Variants in SLC24A2 observed in about 807,000 individuals in gnomAD.
SLC24A2 encodes sodium/potassium/calcium exchanger 2.
In SLC24A2, 36 loss-of-function variants were observed where a neutral mutation model predicts 62.0. That is an observed-to-expected ratio of 0.58 (90% CI 0.44 to 0.77). The LOEUF is 0.77. Ranked by LOEUF, SLC24A2 falls within the 30% of genes least tolerant of loss-of-function variation. SLC24A2 has a pLI of 0.00. For missense variants in SLC24A2, 846 were observed against 817.9 expected, an observed-to-expected ratio of 1.03 and a Z score of -0.42; for synonymous variants, 358 against 294.0, an observed-to-expected ratio of 1.22 and a Z score of -2.23.
At chr9:20,255,356 A>T in the SLC24A2 span, among the ~76,000 whole-genome samples, 3 of 152,336 alleles carry the variant, frequency 2.0e-5, no homozygotes, top group East Asian at 3.9e-4. Flanking sequence ...GATTTTGCCC[A>T]ATCTCCTTTG....
the SLC24A2 span, among the ~76,000 whole-genome samples, chr9:19,915,042 TTAAG>T: frequency 1.8e-4 from 28 of 152,138 alleles, no homozygotes; most frequent in Admixed American, 5.9e-4. Context: ...ACTGTTACCA[TTAAG>T]TAACTCCAGA....
At chr9:19,572,293 A>T (rs1447857086) in intron 7 of SLC24A2, among the ~76,000 whole-genome samples, 1 of 149,778 alleles carries the variant, frequency 6.7e-6, no homozygotes, top group East Asian at 1.9e-4. Flanking sequence ...TGGAGCTACT[A>T]ATGCCTACAC....
the SLC24A2 span, among the ~76,000 whole-genome samples, chr9:20,304,290 C>T: frequency 6.6e-6 from 1 of 152,134 alleles, no homozygotes; most frequent in Non-Finnish European, 1.5e-5. Flanking sequence ...CATCCCACAG[C>T]CCCGGGAGCG....
chr9:20,263,058 C>T, the SLC24A2 span, among the ~76,000 whole-genome samples: 5 of 152,290 alleles, frequency 3.3e-5, no homozygotes, highest in East Asian at 7.7e-4. Flanking sequence ...GAATTGTCCT[C>T]AATCCACTGG....
At chr9:20,283,453 T>C in the SLC24A2 span, among the ~76,000 whole-genome samples, 3 of 152,190 alleles carry the variant, frequency 2.0e-5, no homozygotes, top group Non-Finnish European at 4.4e-5. Flanking sequence ...CAGTCGGGCC[T>C]CTGCAGATTC....
the SLC24A2 span, among the ~76,000 whole-genome samples, chr9:20,252,626 T>G: frequency 6.6e-6 from 1 of 152,188 alleles, no homozygotes; most frequent in Non-Finnish European, 1.5e-5. Context: ...CATTTACAGA[T>G]AGGGATATTG....
chr9:19,730,739 C>A (rs554486398), intron 2 of SLC24A2, among the ~76,000 whole-genome samples: 39 of 152,184 alleles, frequency 2.6e-4, no homozygotes, highest in African/African-American at 9.1e-4. Flanking sequence ...ATTACTTTTG[C>A]ATTAAAAATT....
the SLC24A2 span, among the ~76,000 whole-genome samples, chr9:19,949,129 G>C: frequency 6.6e-6 from 1 of 152,022 alleles, no homozygotes; most frequent in African/African-American, 2.4e-5. Context: ...GAGAAGCTGG[G>C]ATTACATGCA....
chr9:20,123,473 A>G, the SLC24A2 span, among the ~76,000 whole-genome samples: 1 of 152,230 alleles, frequency 6.6e-6, no homozygotes, highest in Non-Finnish European at 1.5e-5. Context: ...AACTTGTCCA[A>G]GTAGGAGGTA....
chr9:19,637,863 G>A (rs181367033), intron 2 of SLC24A2, among the ~76,000 whole-genome samples: 19 of 152,280 alleles, frequency 1.2e-4, no homozygotes, highest in Admixed American at 1.2e-3. Flanking sequence ...GAGGACAGGT[G>A]TGGAATACAC....
At chr9:19,519,337 C>A (rs1274140399) in intron 10 of SLC24A2, among the ~76,000 whole-genome samples, 1 of 140,980 alleles carries the variant, frequency 7.1e-6, no homozygotes, top group African/African-American at 2.7e-5. Flanking sequence ...GATTTTTTTT[C>A]TTTAAACTTC....
At chr9:19,589,677 A>T (rs1836493249) in intron 5 of SLC24A2, among the ~76,000 whole-genome samples, 1 of 152,094 alleles carries the variant, frequency 6.6e-6, no homozygotes, top group Non-Finnish European at 1.5e-5. Flanking sequence ...ATTAATAAAG[A>T]CTTTGGATAT....
chr9:20,287,141 T>C, the SLC24A2 span, among the ~76,000 whole-genome samples: 70,875 of 151,982 alleles, frequency 0.47, 17,146 homozygotes, highest in East Asian at 0.72. Context: ...CAAACCTGTA[T>C]AAATAAGCAC....
chr9:19,625,437 T>A (rs1299033297), intron 2 of SLC24A2, among the ~76,000 whole-genome samples: 2 of 152,178 alleles, frequency 1.3e-5, no homozygotes, highest in African/African-American at 4.8e-5. Context: ...AACTACATCC[T>A]GAAGGTCTCA....
chr9:20,275,201 G>C, the SLC24A2 span, among the ~76,000 whole-genome samples: 1 of 152,092 alleles, frequency 6.6e-6, no homozygotes, highest in Non-Finnish European at 1.5e-5. Context: ...GCTCAGTTAG[G>C]GGTTACGGCA....
the SLC24A2 span, among the ~76,000 whole-genome samples, chr9:20,073,706 A>G: frequency 0.024 from 3,662 of 152,044 alleles, 147 homozygotes; most frequent in African/African-American, 0.083. Context: ...TTTTTTCCAT[A>G]AAGTCTTAGG....
chr9:20,014,405 T>C, the SLC24A2 span, among the ~76,000 whole-genome samples: 8 of 151,630 alleles, frequency 5.3e-5, no homozygotes, highest in Non-Finnish European at 1.2e-4. Context: ...GAGATCAGTA[T>C]GTTGAAGGGA....
intron 2 of SLC24A2, among the ~76,000 whole-genome samples, chr9:19,740,048 T>C (rs1403180397): frequency 6.6e-6 from 1 of 152,196 alleles, no homozygotes; most frequent in African/African-American, 2.4e-5. Context: ...TGGGGTACCA[T>C]GACACGCTGA....
the SLC24A2 span, among the ~76,000 whole-genome samples, chr9:20,052,396 C>A: frequency 6.6e-6 from 1 of 152,278 alleles, no homozygotes; most frequent in South Asian, 2.1e-4. Context: ...TGTAACTGAA[C>A]CAGTGTATAG....
Sources: allele counts gnomAD v4.1 joint callset (sites outside exome capture counted in the v4.1 genomes callset), GRCh38; gene constraint gnomAD v4.1.1; transcripts MANE v1.5; gene names NCBI Gene and HGNC (gene_info 2026-07-23, HGNC 2026-07-21).